CHODL: variants seen among roughly 807,000 people sequenced by gnomAD.
The protein encoded by CHODL is transmembrane protein MT75.
In CHODL, 29 loss-of-function variants were observed where a neutral mutation model predicts 34.5. The ratio of observed to expected loss-of-function variants is 0.84; its 90% confidence interval spans 0.63 to 1.15. The LOEUF is 1.15. Among genes scored for constraint, CHODL ranks in the 50% most tolerant of loss-of-function variants. CHODL has a pLI of 0.00. For synonymous variants in CHODL, 125 were observed against 116.1 expected, an observed-to-expected ratio of 1.08 and a Z score of -0.49; for missense variants, 332 against 332.5, an observed-to-expected ratio of 1.00 and a Z score of 0.01.
At chr21:17,925,291 T>A (rs1286193151) in intron 1 of CHODL, among the ~76,000 whole-genome samples, 1 of 152,122 alleles carries the variant, frequency 6.6e-6, no homozygotes, top group Non-Finnish European at 1.5e-5. Context: ...TTTTCACAGG[T>A]TTAAAATTTT....
In CHODL at chr21:18,171,198, G is replaced by GTTCTTTTTTTTTTTTTTTTTTT. The variant is rs1333481522; in HGVS notation, c.-44-85309_-44-85308insCTTTTTTTTTTTTTTTTTTTTT. Among the ~76,000 whole-genome samples the GTTCTTTTTTTTTTTTTTTTTTT allele has an allele frequency of 8.1e-4, 30 of 37,066 alleles. 15 individuals carry two copies. The highest frequency in any genetic ancestry group is 3.9e-3 in the East Asian group (2 of 510). The allele number at this position is 37,066 out of a possible 152,430, so 24.3% of individuals were successfully genotyped here. A position where few individuals can be genotyped will look rare whatever the true frequency, so the allele number is the denominator to read the frequency against. ...TGTTCTTCAGACATGGTTTTCTTTA[G>GTTCTTTTTTTTTTTTTTTTTTT]TTTTTTTTTTTTTTTTTTTGAGACG... On this transcript the variant is annotated intron_variant, in intron 2 of 6. Coordinates refer to the CHODL transcript ENST00000400127.
chr21:18,246,311 A>G (rs2074141134), intron 1 of CHODL, among the ~76,000 whole-genome samples: 2 of 152,174 alleles, frequency 1.3e-5, no homozygotes, highest in Admixed American at 6.5e-5. Context: ...AAAAGCACAA[A>G]TAGCCCTTTT....
chr21:18,022,447 A>G (rs929864733), intron 1 of CHODL: 1 of 152,232 alleles, frequency 6.6e-6, no homozygotes, highest in African/African-American at 2.4e-5. Flanking sequence ...TTACATCTGC[A>G]AATGGGACAA....
intron 2 of CHODL, among the ~76,000 whole-genome samples, chr21:18,100,441 A>G (rs528923642): frequency 6.6e-6 from 1 of 152,156 alleles, no homozygotes; most frequent in African/African-American, 2.4e-5. Flanking sequence ...AGCATGGGGA[A>G]GGGAAGAAAG....
intron 1 of CHODL, among the ~76,000 whole-genome samples, chr21:17,925,987 T>G (rs1347928543): frequency 1.3e-5 from 2 of 152,222 alleles, no homozygotes; most frequent in Non-Finnish European, 2.9e-5. Context: ...TATTTTAATT[T>G]GTGGTTTAAT....
chr21:18,117,678 TTTAA>T (rs1226633378), intron 2 of CHODL, among the ~76,000 whole-genome samples: 1 of 151,788 alleles, frequency 6.6e-6, no homozygotes, highest in Non-Finnish European at 1.5e-5. Flanking sequence ...TCATTGTGAC[TTTAA>T]TTAAATAAGA....
At chr21:18,081,608 G>A (rs900085287) in intron 2 of CHODL, among the ~76,000 whole-genome samples, 1 of 151,786 alleles carries the variant, frequency 6.6e-6, no homozygotes, top group Non-Finnish European at 1.5e-5. Flanking sequence ...TTGAACCCAG[G>A]AGGCGGAGGT....
intron 2 of CHODL, among the ~76,000 whole-genome samples, chr21:18,239,280 T>C (rs2074058645): frequency 6.6e-6 from 1 of 152,128 alleles, no homozygotes; most frequent in South Asian, 2.1e-4. Flanking sequence ...GACAGAGTAT[T>C]CCTTATTATT....
At chr21:18,087,625 G>A (rs539124664) in intron 2 of CHODL, among the ~76,000 whole-genome samples, 3 of 152,244 alleles carry the variant, frequency 2.0e-5, no homozygotes, top group African/African-American at 2.4e-5. Context: ...CTCAGCCTGA[G>A]GGTAGAGGGC....
At chr21:18,204,676 A>C (rs1018217427) in intron 2 of CHODL, among the ~76,000 whole-genome samples, 2 of 152,146 alleles carry the variant, frequency 1.3e-5, no homozygotes, top group African/African-American at 4.8e-5. Flanking sequence ...CATGTTACCC[A>C]CTGTAGTTTC....
chr21:18,070,119 C>T lies in CHODL; in HGVS notation c.-45+42148C>T, dbSNP rs117563894. On this transcript the variant is annotated intron_variant, in intron 2 of 6. Coordinates refer to the CHODL transcript ENST00000400127. Reference sequence around the variant, plus strand: ...TGGCTAGTCTGGAACTCCTGGGCTACAAATTGGGTATACTGCTCAGGTGAT... The same window carrying T: ...TGGCTAGTCTGGAACTCCTGGGCTATAAATTGGGTATACTGCTCAGGTGAT... Among the ~76,000 whole-genome samples, 454 of 149,352 alleles carry T rather than the reference C, an allele frequency of 3.0e-3. 15 individuals are homozygous for T. The East Asian group carries it at 0.076, about 25-fold the overall frequency.
intron 2 of CHODL, among the ~76,000 whole-genome samples, chr21:18,159,348 T>G (rs1179405782): frequency 6.6e-6 from 1 of 152,206 alleles, no homozygotes. Flanking sequence ...TAGTGATGAT[T>G]TAATATGGGA....
chr21:18,201,868 G>A (rs1041085192), intron 2 of CHODL, among the ~76,000 whole-genome samples: 2 of 147,140 alleles, frequency 1.4e-5, no homozygotes, highest in African/African-American at 5.1e-5. Context: ...GCAGTGGCGC[G>A]ATCTCGGCTC....
At chr21:17,971,889 G>A (rs1568823500) in intron 1 of CHODL, among the ~76,000 whole-genome samples, 1 of 152,138 alleles carries the variant, frequency 6.6e-6, no homozygotes, top group East Asian at 1.9e-4. Flanking sequence ...TATTTCTGAT[G>A]AACATTGATG....
chr21:18,222,583 G>A (rs1015171750), intron 2 of CHODL, among the ~76,000 whole-genome samples: 6 of 152,050 alleles, frequency 3.9e-5, no homozygotes, highest in Non-Finnish European at 8.8e-5. Context: ...AATGTGGACT[G>A]CTGAAGACCT....
At chr21:18,202,591 C>G (rs1308300302) in intron 2 of CHODL, among the ~76,000 whole-genome samples, 7 of 152,242 alleles carry the variant, frequency 4.6e-5, no homozygotes, top group Non-Finnish European at 7.4e-5. Flanking sequence ...GTCGTGGGCT[C>G]CTAGCCTCTA....
chr21:18,204,574 A>G (rs2073691970), intron 2 of CHODL, among the ~76,000 whole-genome samples: 1 of 152,152 alleles, frequency 6.6e-6, no homozygotes, highest in African/African-American at 2.4e-5. Context: ...CAGTAATGAT[A>G]CTAATACTTC....
At chr21:17,965,720 A>G (rs149786) in intron 1 of CHODL, among the ~76,000 whole-genome samples, 95,334 of 151,916 alleles carry the variant, frequency 0.63, 30,687 homozygotes, top group East Asian at 0.79. Flanking sequence ...CTCACAGCAC[A>G]TATAATAATG....
At chr21:18,021,495 G>T (rs1198760741) in intron 1 of CHODL, among the ~76,000 whole-genome samples, 2 of 152,144 alleles carry the variant, frequency 1.3e-5, no homozygotes, top group South Asian at 4.1e-4. Context: ...TTCCCCACTG[G>T]AGTGAAGTAG....
Sources: allele counts gnomAD v4.1 joint callset (sites outside exome capture counted in the v4.1 genomes callset), GRCh38; gene constraint gnomAD v4.1.1; transcripts MANE v1.5; gene names NCBI Gene and HGNC (gene_info 2026-07-23, HGNC 2026-07-21).